ME3: variants seen among roughly 807,000 people sequenced by gnomAD.
ME3 encodes the protein NADP-dependent malic enzyme, mitochondrial.
ME3 carries 48 observed loss-of-function variants against 68.9 expected under a neutral mutation model. That is an observed-to-expected ratio of 0.70 (90% CI 0.55 to 0.89). ME3 has a LOEUF of 0.89. ME3 is among the 40% of genes least tolerant of loss of function. ME3 has a pLI of 0.00. For missense variants in ME3, 675 were observed against 797.4 expected, an observed-to-expected ratio of 0.85 and a Z score of 1.85; for synonymous variants, 320 against 318.8, an observed-to-expected ratio of 1.00 and a Z score of -0.04.
At chr11:86,631,474 G>A (rs1240504109) in intron 2 of ME3, among the ~76,000 whole-genome samples, 2 of 152,098 alleles carry the variant, frequency 1.3e-5, no homozygotes, top group African/African-American at 2.4e-5. Flanking sequence ...AAAACCGTGG[G>A]CAATGAAGGG....
chr11:86,653,521 G>A (rs1945625617), intron 2 of ME3, among the ~76,000 whole-genome samples: 2 of 152,176 alleles, frequency 1.3e-5, no homozygotes, highest in Admixed American at 6.5e-5. Context: ...AATGAAGGCA[G>A]AAATAAAGAT....
intron 4 of ME3, among the ~76,000 whole-genome samples, chr11:86,532,956 G>A (rs1192198750): frequency 6.6e-6 from 1 of 152,136 alleles, no homozygotes; most frequent in South Asian, 2.1e-4. Flanking sequence ...GGAGGCTGAG[G>A]TGGGAGAATC....
chr11:86,640,147 C>T (rs967374919), intron 2 of ME3, among the ~76,000 whole-genome samples: 6 of 152,164 alleles, frequency 3.9e-5, no homozygotes, highest in African/African-American at 9.7e-5. Context: ...ATATAGGAAG[C>T]GGAGACAACA....
chr11:86,479,061 T>C (rs1300746697), intron 7 of ME3, among the ~76,000 whole-genome samples: 3 of 152,154 alleles, frequency 2.0e-5, no homozygotes, highest in East Asian at 3.8e-4. Flanking sequence ...TATTAGTAAA[T>C]TGAATAAGGA....
chr11:86,530,525 T>G (rs1477156984), intron 4 of ME3, among the ~76,000 whole-genome samples: 7 of 151,580 alleles, frequency 4.6e-5, no homozygotes, highest in South Asian at 4.2e-4. Flanking sequence ...AACCAAAAAA[T>G]AGCCTGCATT....
chr11:86,467,628 T>G (rs1257795117), intron 7 of ME3, among the ~76,000 whole-genome samples: 1 of 150,834 alleles, frequency 6.6e-6, no homozygotes, highest in African/African-American at 2.4e-5. Context: ...GATGAACGTT[T>G]TCTGTCTCTC....
At chr11:86,549,729 G>C (rs1956570267) in intron 4 of ME3, among the ~76,000 whole-genome samples, 1 of 152,172 alleles carries the variant, frequency 6.6e-6, no homozygotes, top group Non-Finnish European at 1.5e-5. Context: ...AGTGAAACTT[G>C]GAAGTGAGAC....
chr11:86,438,879 C>A (rs1948911717), downstream of ME3, among the ~76,000 whole-genome samples: 1 of 152,090 alleles, frequency 6.6e-6, no homozygotes, highest in Non-Finnish European at 1.5e-5. Context: ...TTATAAGGAA[C>A]TGGCTTGGCT....
chr11:86,558,102 C>T (rs568231704), intron 3 of ME3, among the ~76,000 whole-genome samples: 2 of 152,190 alleles, frequency 1.3e-5, no homozygotes, highest in African/African-American at 2.4e-5. Context: ...GTCCCTGAGC[C>T]TGGAATGTTT....
chr11:86,596,645 G>A (rs1020956824), intron 2 of ME3, among the ~76,000 whole-genome samples: 2 of 152,164 alleles, frequency 1.3e-5, no homozygotes, highest in African/African-American at 4.8e-5. Context: ...TGTTAGGGCT[G>A]GAAGGGACCT....
At chr11:86,525,064 T>C (rs77710833) in intron 4 of ME3, among the ~76,000 whole-genome samples, 6,851 of 152,232 alleles carry the variant, frequency 0.045, 164 homozygotes, top group South Asian at 0.099. Context: ...CCACTCCAAC[T>C]TGCAAAACAT....
intron 4 of ME3, among the ~76,000 whole-genome samples, chr11:86,539,537 C>T (rs1402418886): frequency 1.3e-5 from 2 of 152,136 alleles, no homozygotes; most frequent in East Asian, 1.9e-4. Context: ...TGGCCAACCA[C>T]AAAGATGGTG....
intron 2 of ME3, among the ~76,000 whole-genome samples, chr11:86,642,409 A>G (rs940532143): frequency 2.8e-4 from 42 of 152,332 alleles, no homozygotes; most frequent in Admixed American, 7.8e-4. Flanking sequence ...TCACGCAACA[A>G]TGTACTCAGC....
chr11:86,629,943 G>C (rs1943909994), intron 2 of ME3, among the ~76,000 whole-genome samples: 1 of 152,036 alleles, frequency 6.6e-6, no homozygotes, highest in Non-Finnish European at 1.5e-5. Context: ...ACAATGAGGT[G>C]GTATGAAGCA....
At chr11:86,652,531 G>C (rs889476917) in intron 2 of ME3, among the ~76,000 whole-genome samples, 6 of 152,200 alleles carry the variant, frequency 3.9e-5, no homozygotes, top group Non-Finnish European at 4.4e-5. Flanking sequence ...ATACTTGAGA[G>C]ACAAGCAAAT....
rs1960919667 is a variant in ME3 at position 86,602,722 on chromosome 11, A to C, written c.184-42899T>G. ...TCAAACTATACTGCAAGGCTACAGT[A>C]ACCAAAACAGCATGGGAACCAAAAC... is the stretch of plus-strand genomic sequence containing the variant. On this transcript the variant is annotated intron_variant, in intron 2 of 14. Coordinates refer to ENST00000543262, the Ensembl canonical transcript of ME3. Among the ~76,000 whole-genome samples the C allele has an allele frequency of 3.3e-5, 5 of 152,360 alleles. No individual in the cohort carries two copies. The South Asian group carries it at 1.0e-3, about 32-fold the overall frequency.
At chr11:86,667,718 G>T (rs765499269) in intron 2 of ME3, 1 of 152,262 alleles carries the variant, frequency 6.6e-6, no homozygotes, top group East Asian at 1.9e-4. Context: ...ATCTAGTTTG[G>T]CAAGTGGGGA....
At chr11:86,648,521 A>C (rs1254672949) in intron 2 of ME3, among the ~76,000 whole-genome samples, 12 of 151,908 alleles carry the variant, frequency 7.9e-5, no homozygotes, top group Admixed American at 7.2e-4. Context: ...CTTTCAAAAA[A>C]AAAAAAATCA....
chr11:86,569,134 G>A (rs1957642808), intron 2 of ME3, among the ~76,000 whole-genome samples: 1 of 152,192 alleles, frequency 6.6e-6, no homozygotes, highest in Non-Finnish European at 1.5e-5. Context: ...GTGTTCACGG[G>A]GCAGGGTGAC....
Sources: allele counts gnomAD v4.1 joint callset (sites outside exome capture counted in the v4.1 genomes callset), GRCh38; gene constraint gnomAD v4.1.1; transcripts MANE v1.5; gene names NCBI Gene and HGNC (gene_info 2026-07-23, HGNC 2026-07-21).